AOAH: variants seen among roughly 807,000 people sequenced by gnomAD.
The protein encoded by AOAH is acyloxyacyl hydrolase (neutrophil).
In AOAH, 64 loss-of-function variants were observed where a neutral mutation model predicts 92.2. The observed-to-expected ratio is 0.69, with a 90% CI of 0.57 to 0.86. The LOEUF is 0.86. Among genes scored for constraint, AOAH ranks in the 40% least tolerant of loss-of-function variants. The pLI is 0.00. For missense variants in AOAH, 656 were observed against 694.6 expected, an observed-to-expected ratio of 0.94 and a Z score of 0.62; for synonymous variants, 263 against 254.5, an observed-to-expected ratio of 1.03 and a Z score of -0.32.
intron 5 of AOAH, among the ~76,000 whole-genome samples, chr7:36,637,506 G>T (rs73687596): frequency 0.03 from 4,511 of 152,116 alleles, 219 homozygotes; most frequent in African/African-American, 0.1. Flanking sequence ...GGGAGGCATT[G>T]TTGGTTGTTG....
At chr7:36,571,044 TG>T (rs1788111523) in intron 13 of AOAH, among the ~76,000 whole-genome samples, 1 of 152,120 alleles carries the variant, frequency 6.6e-6, no homozygotes, top group Non-Finnish European at 1.5e-5. Flanking sequence ...AGGGCTCGCC[TG>T]CTGAGTCAGG....
At chr7:36,602,236 G>A (rs1187877710) in intron 11 of AOAH, among the ~76,000 whole-genome samples, 2 of 152,080 alleles carry the variant, frequency 1.3e-5, no homozygotes, top group African/African-American at 4.8e-5. Flanking sequence ...TTGCTTGAAT[G>A]CAGCTCTTTT....
At chr7:36,697,021 A>G (rs537315755) in intron 1 of AOAH, among the ~76,000 whole-genome samples, 3 of 152,020 alleles carry the variant, frequency 2.0e-5, no homozygotes, top group Non-Finnish European at 2.9e-5. Context: ...TCCAATCTGC[A>G]TGCCTTTATT....
Position 36,532,276 on chromosome 7 carries a change from G to A in AOAH, c.1365+10C>T. ...TAAGCGGGCCTTGAAGCAAGCCAGT[G>A]AGTGCTCACCTGGAGGCAGTTCAGG... On this transcript the variant is annotated intron_variant, in intron 17 of 20. Transcript: ENST00000617537. 1 of 1,614,114 alleles carries A rather than the reference G, an allele frequency of 6.2e-7. No individual in the cohort carries two copies. Among genetic ancestry groups the A allele is most frequent in the East Asian group, 2.2e-5 (1 of 44,876 alleles).
At chr7:36,631,175 G>A (rs899026771) in intron 6 of AOAH, among the ~76,000 whole-genome samples, 7 of 151,884 alleles carry the variant, frequency 4.6e-5, no homozygotes, top group African/African-American at 7.3e-5. Flanking sequence ...GTGAAACCCC[G>A]TCTCTACTAA....
intron 1 of AOAH, among the ~76,000 whole-genome samples, chr7:36,687,033 C>A (rs1294115101): frequency 2.0e-5 from 3 of 152,138 alleles, no homozygotes; most frequent in Non-Finnish European, 4.4e-5. Context: ...CTCCTTTCTG[C>A]AGTAGATGGC....
chr7:36,560,974 T>C (rs1248091344), intron 13 of AOAH, among the ~76,000 whole-genome samples: 2 of 151,802 alleles, frequency 1.3e-5, no homozygotes. Context: ...ACAGATGAGG[T>C]GGACACAGCC....
chr7:36,574,277 T>A (rs763059756), intron 13 of AOAH, among the ~76,000 whole-genome samples: 5 of 152,218 alleles, frequency 3.3e-5, no homozygotes, highest in Non-Finnish European at 7.3e-5. Flanking sequence ...CCCCGGCATC[T>A]ATTCATTAGA....
chr7:36,537,834 C>T (rs1398457545), intron 16 of AOAH, among the ~76,000 whole-genome samples: 2 of 151,846 alleles, frequency 1.3e-5, no homozygotes, highest in Non-Finnish European at 2.9e-5. Context: ...AGTTGCACCC[C>T]TCTTCTATCT....
chr7:36,574,611 A>G (rs891318159), intron 13 of AOAH, among the ~76,000 whole-genome samples: 1 of 152,194 alleles, frequency 6.6e-6, no homozygotes, highest in South Asian at 2.1e-4. Flanking sequence ...TGCAGCCTGC[A>G]TTTCTGGCAG....
At chr7:36,528,624 C>A (rs1250806065) in intron 19 of AOAH, among the ~76,000 whole-genome samples, 1 of 152,110 alleles carries the variant, frequency 6.6e-6, no homozygotes, top group Non-Finnish European at 1.5e-5. Flanking sequence ...GAGATGAGGT[C>A]TCTCTCTGTC....
intron 16 of AOAH, among the ~76,000 whole-genome samples, chr7:36,537,962 C>A (rs923538962): frequency 1.1e-4 from 17 of 151,464 alleles, no homozygotes; most frequent in Non-Finnish European, 2.4e-4. Context: ...TTCCCTCAGT[C>A]CTTTCCAAAT....
chr7:36,622,692 C>T lies in AOAH; in HGVS notation c.582+498G>A, dbSNP rs1251222218. On this transcript the variant is annotated intron_variant, in intron 7 of 20. Transcript: ENST00000617537. ...AGCTGGGAATGGCAACAAAACCAGTCTGGGCCTAAGATTTACTTCAATGCC... is the reference window on the plus strand; with the variant it reads ...AGCTGGGAATGGCAACAAAACCAGTTTGGGCCTAAGATTTACTTCAATGCC... 3.9e-5 allele frequency among the ~76,000 whole-genome samples: 6 copies of T among 152,238 alleles called. No individual in the cohort carries two copies. In the East Asian group the frequency reaches 1.2e-3, roughly 29 times the overall value.
At chr7:36,618,613 C>A (rs937041477) in intron 9 of AOAH, among the ~76,000 whole-genome samples, 2 of 152,182 alleles carry the variant, frequency 1.3e-5, no homozygotes, top group African/African-American at 4.8e-5. Context: ...GGTGCCTGGA[C>A]CAGGGGTCTC....
intron 4 of AOAH, among the ~76,000 whole-genome samples, chr7:36,638,422 C>T (rs1036466449): frequency 3.9e-5 from 6 of 152,216 alleles, no homozygotes; most frequent in African/African-American, 1.4e-4. Flanking sequence ...ACCTCCTCTT[C>T]CCCTGGTTGG....
chr7:36,687,670 G>A (rs7783711), intron 1 of AOAH, among the ~76,000 whole-genome samples: 1 of 152,038 alleles, frequency 6.6e-6, no homozygotes, highest in Non-Finnish European at 1.5e-5. Flanking sequence ...GCTGGCAGAG[G>A]TTCATTTCTA....
At chr7:36,660,406 C>T (rs187104737) in intron 3 of AOAH, among the ~76,000 whole-genome samples, 2 of 152,302 alleles carry the variant, frequency 1.3e-5, no homozygotes, top group East Asian at 3.9e-4. Context: ...ACCTCCGCCC[C>T]CTGGGTTCAA....
At chr7:36,688,061 C>A (rs1160454153) in intron 1 of AOAH, among the ~76,000 whole-genome samples, 5 of 152,140 alleles carry the variant, frequency 3.3e-5, no homozygotes, top group Admixed American at 1.3e-4. Flanking sequence ...CCACGGTCTT[C>A]CTGGGCTCTG....
intron 2 of AOAH, among the ~76,000 whole-genome samples, chr7:36,679,291 T>C (rs996657354): frequency 6.6e-6 from 1 of 150,518 alleles, no homozygotes; most frequent in Non-Finnish European, 1.5e-5. Flanking sequence ...ACAATAAATA[T>C]ATATATAAAA....
Sources: gnomAD v4.1 joint callset for allele counts (sites outside exome capture counted in the v4.1 genomes callset) on GRCh38, gnomAD v4.1.1 for gene constraint, MANE v1.5 for transcripts, NCBI Gene and HGNC (gene_info 2026-07-23, HGNC 2026-07-21) for gene names.